Variants in SHANK2 observed in about 807,000 individuals in gnomAD.
SHANK2 encodes SH3 and multiple ankyrin repeat domains 2, also known as SH3 and multiple ankyrin repeat domains protein 2.
A neutral mutation model predicts 133.7 loss-of-function variants in SHANK2; 43 were observed. That is an observed-to-expected ratio of 0.32 (90% confidence interval 0.25 to 0.41). SHANK2 has a LOEUF of 0.41. Among genes scored for constraint, SHANK2 ranks in the 10% least tolerant of loss-of-function variants. SHANK2 has a pLI of 1.00. For synonymous variants in SHANK2, 1,017 were observed against 952.8 expected, an observed-to-expected ratio of 1.07 and a Z score of -1.24; for missense variants, 1,994 against 2,235.8, an observed-to-expected ratio of 0.89 and a Z score of 2.18.
At chr11:70,780,207 T>C (rs1342170956) in intron 14 of SHANK2, among the ~76,000 whole-genome samples, 3 of 152,132 alleles carry the variant, frequency 2.0e-5, no homozygotes, top group African/African-American at 7.2e-5. Flanking sequence ...ATTCCTTTCG[T>C]AGGGACAGGG....
At chr11:70,742,973 G>C (rs1946561025) in intron 14 of SHANK2, among the ~76,000 whole-genome samples, 2 of 152,240 alleles carry the variant, frequency 1.3e-5, no homozygotes, top group African/African-American at 4.8e-5. Flanking sequence ...TCTGGCATCT[G>C]GAATTCTGCA....
intron 17 of SHANK2, chr11:70,634,897 TA>T (rs1188981125): frequency 1.3e-5 from 2 of 152,216 alleles, no homozygotes; most frequent in Non-Finnish European, 2.9e-5. Flanking sequence ...AGGACTTGAA[TA>T]GACATTTCTC....
rs548013707 is a variant in SHANK2, at chr11:71,209,590, T to C, written c.-13+15107A>G. Among the ~76,000 whole-genome samples the C allele has an allele frequency of 7.9e-5, 12 of 152,260 alleles. No individual in the cohort carries two copies. The East Asian group carries it at 1.5e-3, about 20-fold the overall frequency. ...ACCCAGCTCCTCACTCTTGACTCAG[T>C]GAACTTCTGGGAGAGCTGCAAAGCC... On this transcript the variant is annotated intron_variant, in intron 2 of 25. Coordinates refer to ENST00000601538, the MANE Select transcript of SHANK2 (RefSeq NM_012309.5).
intron 17 of SHANK2, among the ~76,000 whole-genome samples, chr11:70,657,394 C>A (rs1231396916): frequency 3.3e-5 from 5 of 152,210 alleles, no homozygotes; most frequent in African/African-American, 7.2e-5. Flanking sequence ...GGAACAAACA[C>A]GCACCTATTA....
At chr11:71,221,444 G>A (rs782319789) in intron 2 of SHANK2, among the ~76,000 whole-genome samples, 26 of 152,208 alleles carry the variant, frequency 1.7e-4, no homozygotes, top group Admixed American at 5.2e-4. Context: ...GGCAAATGCC[G>A]CTTGATCCCC....
chr11:70,493,772 C>A (rs1555156503), intron 21 of SHANK2, among the ~76,000 whole-genome samples: 1 of 152,206 alleles, frequency 6.6e-6, no homozygotes, highest in Non-Finnish European at 1.5e-5. Context: ...GAGAAGCAGG[C>A]CATCTGGAAC....
chr11:70,896,277 T>C, intron 11 of SHANK2: 1 of 451,612 alleles, frequency 2.2e-6, no homozygotes, highest in African/African-American at 2.0e-5. Flanking sequence ...TAGAGAGGCA[T>C]GTTTCAGACA....
At chr11:70,761,542 A>G (rs1591821770) in intron 14 of SHANK2, among the ~76,000 whole-genome samples, 1 of 152,224 alleles carries the variant, frequency 6.6e-6, no homozygotes, top group Non-Finnish European at 1.5e-5. Flanking sequence ...ACGCACCTCT[A>G]TGGGTCCTCT....
At chr11:70,482,411 C>G (rs1160471028) in intron 25 of SHANK2, among the ~76,000 whole-genome samples, 1 of 152,238 alleles carries the variant, frequency 6.6e-6, no homozygotes, top group African/African-American at 2.4e-5. Flanking sequence ...CAGTCTCAGC[C>G]TTGCAGGTGT....
chr11:70,805,164 G>A (rs901375952), intron 13 of SHANK2, among the ~76,000 whole-genome samples: 2 of 152,156 alleles, frequency 1.3e-5, no homozygotes, highest in African/African-American at 2.4e-5. Flanking sequence ...GGAACTGCCA[G>A]CCGCACCCCA....
At chr11:70,520,478 GA>G (rs1308147357) in intron 17 of SHANK2, among the ~76,000 whole-genome samples, 2 of 152,158 alleles carry the variant, frequency 1.3e-5, no homozygotes, top group African/African-American at 4.8e-5. Context: ...AGGAGGTAAA[GA>G]GCCATTCCTG....
chr11:70,765,766 T>G (rs781908964), intron 14 of SHANK2, among the ~76,000 whole-genome samples: 9 of 152,190 alleles, frequency 5.9e-5, no homozygotes. Flanking sequence ...GGCAAGTCCC[T>G]CCCCAGCTCA....
chr11:70,828,137 A>C (rs1555057595), intron 11 of SHANK2, among the ~76,000 whole-genome samples: 2 of 152,128 alleles, frequency 1.3e-5, no homozygotes, highest in Non-Finnish European at 2.9e-5. Context: ...TAAAAACATT[A>C]GCCGGGTGTG....
intron 2 of SHANK2, among the ~76,000 whole-genome samples, chr11:71,193,860 C>T (rs566512454): frequency 2.0e-5 from 3 of 152,312 alleles, no homozygotes; most frequent in Non-Finnish European, 2.9e-5. Flanking sequence ...ATACAGCTGT[C>T]GTCTTCTAAG....
At chr11:70,945,882 G>A (rs1229569068) in intron 10 of SHANK2, among the ~76,000 whole-genome samples, 2 of 152,006 alleles carry the variant, frequency 1.3e-5, no homozygotes, top group Admixed American at 6.6e-5. Context: ...GGGAATGAAC[G>A]TGACCTCAAG....
intron 14 of SHANK2, among the ~76,000 whole-genome samples, chr11:70,759,669 C>A (rs1370527965): frequency 6.6e-6 from 1 of 152,090 alleles, no homozygotes; most frequent in Non-Finnish European, 1.5e-5. Context: ...TAAGCAAGAC[C>A]TAAGACTGTG....
chr11:70,750,438 T>C (rs1946730563), intron 14 of SHANK2, among the ~76,000 whole-genome samples: 1 of 152,216 alleles, frequency 6.6e-6, no homozygotes. Flanking sequence ...GGTCCACACA[T>C]GTGGAGGAAT....
intron 10 of SHANK2, among the ~76,000 whole-genome samples, chr11:70,913,029 C>A (rs576568646): frequency 1.3e-5 from 2 of 151,500 alleles, no homozygotes; most frequent in African/African-American, 4.8e-5. Context: ...AGATTCTAAG[C>A]CAGTTCCTCA....
intron 10 of SHANK2, among the ~76,000 whole-genome samples, chr11:71,055,961 T>C (rs1950913127): frequency 6.6e-6 from 1 of 151,996 alleles, no homozygotes; most frequent in Non-Finnish European, 1.5e-5. Context: ...AATGTGATGC[T>C]ATATGTATTT....
Sources: gnomAD v4.1 joint callset for allele counts (sites outside exome capture counted in the v4.1 genomes callset) on GRCh38, gnomAD v4.1.1 for gene constraint, MANE v1.5 for transcripts, NCBI Gene and HGNC (gene_info 2026-07-23, HGNC 2026-07-21) for gene names.